The following COL4A2 variants were observed in gnomAD, a reference collection of about 807,000 sequenced individuals.
COL4A2 encodes the protein collagen type IV alpha 2 chain.
A neutral mutation model predicts 200.2 loss-of-function variants in COL4A2; 99 were observed. The ratio of observed to expected loss-of-function variants is 0.49; its 90% CI spans 0.42 to 0.58. COL4A2 has a LOEUF of 0.58. Among genes scored for constraint, COL4A2 ranks in the 20% least tolerant of loss-of-function variants. COL4A2 has a pLI of 0.00. For missense variants in COL4A2, 1,950 were observed against 2,314.1 expected (o/e 0.84, Z 3.23); for synonymous variants, 897 against 900.6 (o/e 1.00, Z 0.07).
At chr13:110,313,872 C>A (rs1298692295) in intron 3 of COL4A2, among the ~76,000 whole-genome samples, 1 of 152,110 alleles carries the variant, frequency 6.6e-6, no homozygotes, top group Non-Finnish European at 1.5e-5. Context: ...CAGGCTCCTA[C>A]CTCGGTGCTG....
chr13:110,384,104 G>A (rs1878594239), intron 4 of COL4A2, among the ~76,000 whole-genome samples: 1 of 152,220 alleles, frequency 6.6e-6, no homozygotes, highest in African/African-American at 2.4e-5. Context: ...GATCAAAAGA[G>A]TGGTAGTGTG....
chr13:110,399,451 A>C (rs1178545056), intron 4 of COL4A2, among the ~76,000 whole-genome samples: 3 of 152,158 alleles, frequency 2.0e-5, no homozygotes, highest in African/African-American at 7.2e-5. Context: ...CTTTACCCAT[A>C]ATGGGCTTTA....
chr13:110,368,002 G>C (rs1025618972), intron 4 of COL4A2, among the ~76,000 whole-genome samples: 4 of 152,214 alleles, frequency 2.6e-5, no homozygotes, highest in Non-Finnish European at 5.9e-5. Context: ...AGGAAGCCAG[G>C]CTTCCTGCAC....
At position 110,430,541 on chromosome 13, in the gene COL4A2, A is replaced by G. The variant is rs761817376; in HGVS notation, c.586-4A>G. On this transcript the variant is annotated splice_region_variant and splice_polypyrimidine_tract_variant and intron_variant, in intron 9 of 47. Coordinates refer to ENST00000360467, the MANE Select transcript of COL4A2 (RefSeq NM_001846.4). Reference sequence around the variant, plus strand: ...AAAAACATTCTCCCGCTGCCTATCCATAGGGACCTCCCGGCCGCCCTGGGC... The same window carrying G: ...AAAAACATTCTCCCGCTGCCTATCCGTAGGGACCTCCCGGCCGCCCTGGGC... 16 of 1,614,102 alleles carry G rather than the reference A, an allele frequency of 9.9e-6. No homozygotes were observed. The highest frequency in any genetic ancestry group is 3.3e-5 in the Admixed American group (2 of 60,004).
chr13:110,380,173 T>C (rs1458662337), intron 4 of COL4A2, among the ~76,000 whole-genome samples: 1 of 151,854 alleles, frequency 6.6e-6, no homozygotes, highest in African/African-American at 2.4e-5. Flanking sequence ...CAGCTGGGAG[T>C]GATTTGCATT....
At chr13:110,505,121 T>A (rs71440066) in intron 45 of COL4A2, among the ~76,000 whole-genome samples, 19 of 150,744 alleles carry the variant, frequency 1.3e-4, no homozygotes, top group African/African-American at 2.7e-4. Context: ...GAGGCTGAGG[T>A]GGGCGGATCA....
At position 110,504,035 on chromosome 13, in the gene COL4A2, C is replaced by G. The variant is rs373828937; in HGVS notation, c.4285+42C>G. On this transcript the variant is annotated intron_variant, in intron 44 of 47. Coordinates refer to ENST00000360467, the MANE Select transcript of COL4A2 (RefSeq NM_001846.4). ...GGGCCTGGAGCCCCTCGGGGCTGCC[C>G]GGGCAAGGCCAGGGCCTGCTGGCAT... 3.9e-5 allele frequency: 61 copies of G among 1,556,092 alleles called. No individual in the cohort carries two copies. The East Asian group carries it at 1.3e-3, about 32-fold the overall frequency.
intron 3 of COL4A2, among the ~76,000 whole-genome samples, chr13:110,334,058 G>C (rs1176483605): frequency 6.6e-6 from 1 of 152,224 alleles, no homozygotes; most frequent in Non-Finnish European, 1.5e-5. Flanking sequence ...CAGTGACCAT[G>C]CTTGCTTTGA....
chr13:110,322,645 C>T (rs1046937523), intron 3 of COL4A2, among the ~76,000 whole-genome samples: 1 of 152,282 alleles, frequency 6.6e-6, no homozygotes, highest in South Asian at 2.1e-4. Flanking sequence ...ACCAGCCTCC[C>T]CTCTTCCTGT....
At chr13:110,391,355 T>C (rs1295251975) in intron 4 of COL4A2, among the ~76,000 whole-genome samples, 1 of 152,250 alleles carries the variant, frequency 6.6e-6, no homozygotes, top group Non-Finnish European at 1.5e-5. Flanking sequence ...CAGAAAACCT[T>C]ACCCAATAGG....
chr13:110,389,890 T>C (rs900331567), intron 4 of COL4A2, among the ~76,000 whole-genome samples: 8 of 152,332 alleles, frequency 5.3e-5, no homozygotes, highest in African/African-American at 1.9e-4. Flanking sequence ...TTTAAAAATT[T>C]TTAAAACTAC....
intron 4 of COL4A2, among the ~76,000 whole-genome samples, chr13:110,391,720 CG>C (rs1400444715): frequency 6.6e-6 from 1 of 152,126 alleles, no homozygotes; most frequent in Admixed American, 6.6e-5. Flanking sequence ...CATTGGGATT[CG>C]AGGTAGACAA....
chr13:110,438,497 C>A, intron 14 of COL4A2, 121 bp from the exon 15 acceptor site: 1 of 1,310,748 alleles, frequency 7.6e-7, no homozygotes. Context: ...CATCGCCAGG[C>A]GGTCTGGACA....
At chr13:110,489,380 G>A in intron 34 of COL4A2, 65 bp from the exon 35 acceptor site, 3 of 1,459,404 alleles carry the variant, frequency 2.1e-6, no homozygotes, top group Non-Finnish European at 1.9e-6. Flanking sequence ...AAATAAGTGA[G>A]CTAACTTCAG....
chr13:110,505,844 A>T (rs1262613831), intron 45 of COL4A2, among the ~76,000 whole-genome samples: 1 of 152,126 alleles, frequency 6.6e-6, no homozygotes, highest in African/African-American at 2.4e-5. Context: ...ACTCCTCCGG[A>T]CACTTCCAAC....
intron 32 of COL4A2, among the ~76,000 whole-genome samples, chr13:110,484,307 A>G (rs576613502): frequency 5.9e-5 from 9 of 152,080 alleles, no homozygotes; most frequent in African/African-American, 1.2e-4. Context: ...CTGAAGCTCA[A>G]TTATTTTCAC....
At chr13:110,324,341 G>A (rs1885350439) in intron 3 of COL4A2, among the ~76,000 whole-genome samples, 1 of 152,188 alleles carries the variant, frequency 6.6e-6, no homozygotes, top group African/African-American at 2.4e-5. Flanking sequence ...AATGTCCACT[G>A]GTGGGCGATA....
intron 3 of COL4A2, among the ~76,000 whole-genome samples, chr13:110,355,035 T>C (rs1877131121): frequency 6.6e-6 from 1 of 152,240 alleles, no homozygotes; most frequent in African/African-American, 2.4e-5. Context: ...GTTTAGTCAT[T>C]GACACGTAAC....
intron 4 of COL4A2, among the ~76,000 whole-genome samples, chr13:110,360,543 C>T (rs1165860254): frequency 2.6e-5 from 4 of 152,174 alleles, no homozygotes; most frequent in Non-Finnish European, 4.4e-5. Flanking sequence ...ACAGCACAGG[C>T]ATTGAGACCT....
Sources: gnomAD v4.1 joint callset for allele counts (sites outside exome capture counted in the v4.1 genomes callset) on GRCh38, gnomAD v4.1.1 for gene constraint, MANE v1.5 for transcripts, NCBI Gene and HGNC (gene_info 2026-07-23, HGNC 2026-07-21) for gene names.